Variants in CNTNAP1 observed in about 807,000 individuals in gnomAD.
CNTNAP1 encodes contactin associated protein 1, also known as contactin-associated protein 1.
In CNTNAP1, 80 loss-of-function variants were observed where a neutral mutation model predicts 161.5. That is an observed-to-expected ratio of 0.50 (90% CI 0.41 to 0.60). The LOEUF (loss-of-function observed/expected upper bound fraction) is 0.60. Ranked by LOEUF, CNTNAP1 falls within the 20% of genes least tolerant of loss-of-function variation. CNTNAP1 has a pLI of 0.00. For synonymous variants in CNTNAP1, 695 were observed against 733.1 expected (o/e 0.95, Z 0.84); for missense variants, 1,464 against 1,854.8 (o/e 0.79, Z 3.87).
Position 42,697,896 on chromosome 17 carries a change from TCTCCA to T in CNTNAP1, c.3815-6_3815-2del. 1 of 1,614,128 alleles carries T rather than the reference TCTCCA, an allele frequency of 6.2e-7. No individual in the cohort carries two copies. Among genetic ancestry groups the T allele is most frequent in the Non-Finnish European group, 8.5e-7 (1 of 1,180,014 alleles). On this transcript the variant is annotated splice_acceptor_variant and splice_polypyrimidine_tract_variant and intron_variant, in intron 22 of 23. Transcript: ENST00000264638. LOFTEE classifies it high-confidence loss of function. ...GCATCTCCTAACTGGTGCTTTCTCC[TCTCCA>T]GACTTCCCCTACTACCATGATGAAG...
In CNTNAP1 at chr17:42,687,634, G is replaced by C; in HGVS notation, c.1045-86G>C. 6.6e-7 allele frequency: 1 copy of C among 1,519,068 alleles called. No homozygotes were observed. Among genetic ancestry groups the C allele is most frequent in the Non-Finnish European group, 8.9e-7 (1 of 1,121,110 alleles). 94.1% of individuals were successfully genotyped at this position (1,519,068 alleles called of 1,614,324 possible). A position where few individuals can be genotyped will look rare whatever the true frequency, so the allele number is the denominator to read the frequency against. On this transcript the variant is annotated intron_variant, in intron 7 of 23. Transcript: ENST00000264638. This position sits in a 1 kb window ranked among gnomAD's most constrained non-coding sequence, Gnocchi z 4.7. ...CAACACCGAAGGAGGGCGGTGACCA[G>C]GGTCTTAGACCGGTGTGAAAACTGA...
rs755093115 is a variant in CNTNAP1 at position 42,697,615 on chromosome 17, G to A, written c.3630G>A (p.Leu1210=). The A allele has an allele frequency of 2.5e-6, 4 of 1,614,168 alleles. No homozygotes were observed. The highest frequency in any genetic ancestry group is 1.7e-5 in the Admixed American group (1 of 60,020). Residue 1210 remains leucine (L), a synonymous_variant, in exon 22 of 24, where the codon CTG becomes CTA. Coordinates refer to ENST00000264638, the MANE Select transcript of CNTNAP1 (RefSeq NM_003632.3). ...RYNTPGFSGC[L]SGVRFNNVAP... is the part of the protein sequence containing the mutation. ...ACACCCCAGGTTTCTCAGGCTGCCT[G>A]TCTGGTGTTCGATTCAACAACGTGG...
At position 42,697,703 on chromosome 17, in the gene CNTNAP1, C is replaced by T; in HGVS notation, c.3718C>T (p.Arg1240Ter). The change falls in exon 22 of 24, where the codon CGA becomes TGA. Residue 1240 changes from arginine to a stop codon, truncating the protein, a stop_gained. Coordinates refer to ENST00000264638, the MANE Select transcript of CNTNAP1 (RefSeq NM_003632.3). LOFTEE classifies it high-confidence loss of function. ...PMTAELAEALRVQGELSESNC... is the reference protein window; with the variant it reads ...PMTAELAEAL ...GACTGCTGAGCTAGCTGAGGCCCTT[C>T]GAGTTCAGGGAGAACTGTCCGAATC... The T allele has an allele frequency of 1.9e-6, 3 of 1,614,170 alleles. No individual in the cohort carries two copies. The highest frequency in any genetic ancestry group is 1.3e-5 in the African/African-American group (1 of 75,036).
In CNTNAP1 at chr17:42,687,734, T is replaced by C. The variant is rs1327028165; in HGVS notation, c.1059T>C (p.Phe353=). 6.2e-7 allele frequency: 1 copy of C among 1,614,122 alleles called. No homozygotes were observed. The highest frequency in any genetic ancestry group is 1.3e-5 in the African/African-American group (1 of 75,054). The stretch of plus-strand genomic sequence containing the variant: ...TTTGCCCCTAGGGTAAGGTGGCTTT[T>C]CGTTGCCTGGACCCGGTACCGCACC... ...SRITFEGKVA[F]RCLDPVPHPI... is the part of the protein sequence containing the mutation. The change falls in exon 8 of 24, where the codon TTT becomes TTC. Residue 353 remains phenylalanine, a synonymous_variant. Coordinates refer to ENST00000264638, the MANE Select transcript of CNTNAP1 (RefSeq NM_003632.3). The surrounding 1 kb of genome is among the most constrained non-coding windows in gnomAD (Gnocchi z 4.7).
chr17:42,699,020 G>A lies in CNTNAP1; in HGVS notation c.*110G>A. 2 of 949,702 alleles carry A rather than the reference G, an allele frequency of 2.1e-6. No homozygotes were observed. Among genetic ancestry groups the A allele is most frequent in the South Asian group, 4.1e-5 (2 of 48,954 alleles). 58.8% of individuals were successfully genotyped at this position (949,702 alleles called of 1,614,324 possible). On this transcript the variant is annotated 3_prime_UTR_variant, in exon 24 of 24. Coordinates refer to ENST00000264638, the MANE Select transcript of CNTNAP1 (RefSeq NM_003632.3). ...CCTCTTAGCTGGCTCTGCTCATCCA[G>A]AGGATATTCCCCCATCCCCCCCCCA...
chr17:42,687,385 C>T lies in CNTNAP1; in HGVS notation c.1045-335C>T. 1 of 511,354 alleles carries T rather than the reference C, an allele frequency of 2.0e-6. No homozygotes were observed. The highest frequency in any genetic ancestry group is 2.6e-5 in the South Asian group (1 of 39,036). 31.7% of individuals were successfully genotyped at this position (511,354 alleles called of 1,614,324 possible). A position where few individuals can be genotyped will look rare whatever the true frequency, so the allele number is the denominator to read the frequency against. ...CTTCTCTGATATGCCCCCCTCAACC[C>T]TCTCCGACTCTGGAGCTCTGTTGGG... On this transcript the variant is annotated intron_variant, in intron 7 of 23. Coordinates refer to ENST00000264638, the MANE Select transcript of CNTNAP1 (RefSeq NM_003632.3). The surrounding 1 kb of genome is among the most constrained non-coding windows in gnomAD (Gnocchi z 4.7).
chr17:42,697,219 T>A (rs2053161717), intron 20 of CNTNAP1, 55 bp from the exon 21 acceptor site: 1 of 1,257,434 alleles, frequency 8.0e-7, no homozygotes, highest in African/African-American at 1.5e-5. Context: ...CCCACAGGCA[T>A]CTGCTTCTGG....
At chr17:42,686,801 C>T (rs1208686523) in intron 6 of CNTNAP1, 102 bp from the exon 7 acceptor site, 2 of 1,380,642 alleles carry the variant, frequency 1.4e-6, no homozygotes, top group African/African-American at 2.9e-5. Flanking sequence ...AAGTCTTTTA[C>T]AAAACCCCAT....
chr17:42,687,274 G>T lies in CNTNAP1; in HGVS notation c.1044+228G>T. The T allele has an allele frequency of 1.7e-6, 1 of 575,086 alleles. No homozygotes were observed. 35.6% of individuals were successfully genotyped at this position (575,086 alleles called of 1,614,324 possible). ...CCAATCACCTTCTTAGTTCATAGAT[G>T]AAGAAAGTAAGGCGCAGACACAGGG... On this transcript the variant is annotated intron_variant, in intron 7 of 23. Transcript: ENST00000264638. This position sits in a 1 kb window ranked among gnomAD's most constrained non-coding sequence, Gnocchi z 4.7.
chr17:42,684,956 C>A lies in CNTNAP1; in HGVS notation c.364-35C>A, dbSNP rs561321428. ...TAAAATAAAAAAAAGAAGCAGAGGGCAGGACGTGGTTACTACTCTCCTCCA... is the reference window on the plus strand; with the variant it reads ...TAAAATAAAAAAAAGAAGCAGAGGGAAGGACGTGGTTACTACTCTCCTCCA... On this transcript the variant is annotated intron_variant, in intron 3 of 23. Transcript: ENST00000264638. 5.6e-5 allele frequency: 89 copies of A among 1,602,462 alleles called. 1 individual carries two copies. In the African/African-American group the frequency reaches 1.1e-3, roughly 20 times the overall value.
Position 42,696,997 on chromosome 17 carries a change from G to A in CNTNAP1, c.3475-277G>A, listed in dbSNP as rs2053159598. Among the ~76,000 whole-genome samples, 3 of 152,016 alleles carry A rather than the reference G, an allele frequency of 2.0e-5. No homozygotes were observed. In the South Asian group the frequency reaches 6.2e-4, roughly 32 times the overall value. On this transcript the variant is annotated intron_variant, in intron 20 of 23. Coordinates refer to ENST00000264638, the MANE Select transcript of CNTNAP1 (RefSeq NM_003632.3). Reference sequence around the variant, plus strand: ...GAGACCAACCTGAGCAACATAGCAAGACCTCATCTTCACAAAGAAAAATAT... The same window carrying A: ...GAGACCAACCTGAGCAACATAGCAAAACCTCATCTTCACAAAGAAAAATAT...
In CNTNAP1 at chr17:42,687,688, G is replaced by C. The variant is rs2053034769; in HGVS notation, c.1045-32G>C. On this transcript the variant is annotated intron_variant, in intron 7 of 23. Coordinates refer to ENST00000264638, the MANE Select transcript of CNTNAP1 (RefSeq NM_003632.3). This position sits in a 1 kb window ranked among gnomAD's most constrained non-coding sequence, Gnocchi z 4.7. ...CCCAGCTGAGGCAGAGGCGGCTCAC[G>C]GGTGTTGATGCGTCTTCACTTTTGC... is the stretch of plus-strand genomic sequence containing the variant. 6.2e-7 allele frequency: 1 copy of C among 1,606,558 alleles called. No homozygotes were observed. The highest frequency in any genetic ancestry group is 8.5e-7 in the Non-Finnish European group (1 of 1,174,902).
rs780917967 is a variant in CNTNAP1 at position 42,684,038 on chromosome 17, A to G, written c.172A>G (p.Ile58Val). 4.3e-6 allele frequency: 7 copies of G among 1,614,168 alleles called. No homozygotes were observed. The highest frequency in any genetic ancestry group is 4.2e-6 in the Non-Finnish European group (5 of 1,179,996). ...TAAAGCTCCTGTCCTTTCTATAGGCATAAGCGGGTGGTCACCACGGATTGG... is the reference window on the plus strand; with the variant it reads ...TAAAGCTCCTGTCCTTTCTATAGGCGTAAGCGGGTGGTCACCACGGATTGG... ...TAPRFARLHG[I>V]SGWSPRIGDP... The change falls in exon 3 of 24, where the codon ATA becomes GTA. Residue 58 changes from isoleucine to valine, a missense_variant and splice_region_variant. Ile to Val is a conservative substitution (Grantham distance 29). Coordinates refer to ENST00000264638, the MANE Select transcript of CNTNAP1 (RefSeq NM_003632.3).
chr17:42,695,808 C>T lies in CNTNAP1; in HGVS notation c.3280C>T (p.Pro1094Ser), dbSNP rs536852782. 1.9e-6 allele frequency: 3 copies of T among 1,614,208 alleles called. No homozygotes were observed. The highest frequency in any genetic ancestry group is 4.5e-5 in the East Asian group (2 of 44,888). The change falls in exon 19 of 24, where the codon CCT (proline) becomes TCT (serine). Residue 1094 changes from proline (P) to serine (S), a missense_variant. Pro to Ser is a moderately conservative substitution (Grantham distance 74). Coordinates refer to ENST00000264638, the MANE Select transcript of CNTNAP1 (RefSeq NM_003632.3). ...CTTCAGCTTCAGCACCAGCTCCGCC[C>T]CTGCTGTCCTGCTCTACGTCAGTTC... ...VSFSFSTSSA[P>S]AVLLYVSSFV...
chr17:42,697,256 T>G lies in CNTNAP1; in HGVS notation c.3475-18T>G. The G allele has an allele frequency of 7.1e-5, 54 of 761,186 alleles. No homozygotes were observed. The highest frequency in any genetic ancestry group is 1.0e-4 in the Non-Finnish European group (49 of 469,758). The allele number at this position is 761,186 out of a possible 1,614,324, so 47.2% of individuals were successfully genotyped here. A position where few individuals can be genotyped will look rare whatever the true frequency, so the allele number is the denominator to read the frequency against. Reference sequence around the variant, plus strand: ...CCCCGCTCCCTCATCGCCCTCCCCCTCCCCCTCCCCACCTCAGGTGGACTA... The same window carrying G: ...CCCCGCTCCCTCATCGCCCTCCCCCGCCCCCTCCCCACCTCAGGTGGACTA... On this transcript the variant is annotated intron_variant, in intron 20 of 23. Coordinates refer to ENST00000264638, the MANE Select transcript of CNTNAP1 (RefSeq NM_003632.3).
At position 42,688,904 on chromosome 17, in the gene CNTNAP1, C is replaced by T. The variant is rs755276777; in HGVS notation, c.1485C>T (p.Asp495=). The T allele has an allele frequency of 3.1e-6, 5 of 1,613,894 alleles. No homozygotes were observed. The highest frequency in any genetic ancestry group is 4.2e-6 in the Non-Finnish European group (5 of 1,179,956). The change falls in exon 10 of 24, where the codon GAC becomes GAT. Residue 495 remains aspartate (D), a synonymous_variant. Transcript: ENST00000264638. ...GGCPKPASRW[D]CHSNQTAFHG... ...GTCCCAAGCCAGCCAGTCGATGGGA[C>T]TGCCACTCCAACCAGACGGCATTCC...
Position 42,698,979 on chromosome 17 carries a change from T to C in CNTNAP1, c.*69T>C. On this transcript the variant is annotated 3_prime_UTR_variant, in exon 24 of 24. Coordinates refer to ENST00000264638, the MANE Select transcript of CNTNAP1 (RefSeq NM_003632.3). ...CCAGTCCTGCCTCTCCCCCATCCTATCAGGGACATTTGGCTCCTCTTAGCT... is the reference window on the plus strand; with the variant it reads ...CCAGTCCTGCCTCTCCCCCATCCTACCAGGGACATTTGGCTCCTCTTAGCT... 1.4e-6 allele frequency: 2 copies of C among 1,398,066 alleles called. No homozygotes were observed. Among genetic ancestry groups the C allele is most frequent in the Non-Finnish European group, 1.9e-6 (2 of 1,052,544 alleles). The allele number at this position is 1,398,066 out of a possible 1,614,324, so 86.6% of individuals were successfully genotyped here. A position where few individuals can be genotyped will look rare whatever the true frequency, so the allele number is the denominator to read the frequency against.
Position 42,685,531 on chromosome 17 carries a change from T to A in CNTNAP1, c.715+111T>A. 1 of 1,069,364 alleles carries A rather than the reference T, an allele frequency of 9.4e-7. No individual in the cohort carries two copies. Among genetic ancestry groups the A allele is most frequent in the Non-Finnish European group, 1.3e-6 (1 of 745,360 alleles). 66.2% of individuals were successfully genotyped at this position (1,069,364 alleles called of 1,614,324 possible). A position where few individuals can be genotyped will look rare whatever the true frequency, so the allele number is the denominator to read the frequency against. Reference sequence around the variant, plus strand: ...CGCTCAGCCTGGTCTTCCACTTCTCTAAGGCCTGGACCAAACTGCCCCTTT... The same window carrying A: ...CGCTCAGCCTGGTCTTCCACTTCTCAAAGGCCTGGACCAAACTGCCCCTTT... On this transcript the variant is annotated intron_variant, in intron 5 of 23. Transcript: ENST00000264638. This position sits in a 1 kb window ranked among gnomAD's most constrained non-coding sequence, Gnocchi z 5.0.
chr17:42,685,847 C>T lies in CNTNAP1; in HGVS notation c.716-110C>T, dbSNP rs555622904. The T allele has an allele frequency of 1.0e-4, 122 of 1,167,892 alleles. 2 individuals are homozygous for T. Among genetic ancestry groups the T allele is most frequent in the South Asian group, 5.0e-4 (34 of 67,496 alleles). 72.3% of individuals were successfully genotyped at this position (1,167,892 alleles called of 1,614,324 possible). ...CAATGGCTGTTGATCTATTCGCCCA[C>T]TCTCCCTGATTGCCCTGGGCTTTGT... On this transcript the variant is annotated intron_variant, in intron 5 of 23. Coordinates refer to ENST00000264638, the MANE Select transcript of CNTNAP1 (RefSeq NM_003632.3). The surrounding 1 kb of genome is among the most constrained non-coding windows in gnomAD (Gnocchi z 5.0).
Sources: gnomAD v4.1 joint callset for allele counts (sites outside exome capture counted in the v4.1 genomes callset) on GRCh38, gnomAD v4.1.1 for gene constraint, Gnocchi (gnomAD v3.1) non-coding constraint, MANE v1.5 for transcripts, NCBI Gene and HGNC (gene_info 2026-07-23, HGNC 2026-07-21) for gene names.